Variants in POLDIP2 observed in about 807,000 individuals in gnomAD.
POLDIP2 encodes DNA polymerase delta interacting protein 2, also known as polymerase delta-interacting protein 2.
In POLDIP2, 32 loss-of-function variants were observed where a neutral mutation model predicts 52.9. The observed-to-expected ratio is 0.61, with a 90% CI of 0.46 to 0.81. POLDIP2 has a LOEUF of 0.81. Among genes scored for constraint, POLDIP2 ranks in the 40% least tolerant of loss-of-function variants. The probability of loss-of-function intolerance (pLI) is 0.00; values close to 1 mark genes in which losing one functional copy is unlikely to be tolerated. For missense variants in POLDIP2, 371 were observed against 477.3 expected, an observed-to-expected ratio of 0.78 and a Z score of 2.07; for synonymous variants, 183 against 183.0, an observed-to-expected ratio of 1.00 and a Z score of 0.00.
At chr17:28,348,263 GC>G in intron 10 of POLDIP2, 32 bp from the exon 11 acceptor site, 1 of 1,500,302 alleles carries the variant, frequency 6.7e-7, no homozygotes, top group Non-Finnish European at 9.3e-7. Flanking sequence ...TTTAGAAGGA[GC>G]CAGGGCTGAG....
rs1186624736 is a variant in POLDIP2 at position 28,354,550 on chromosome 17, G to A, written c.279C>T (p.Val93=). 9.0e-6 allele frequency: 14 copies of A among 1,562,304 alleles called. No homozygotes were observed. The highest frequency in any genetic ancestry group is 3.3e-4 in the Middle Eastern group (2 of 6,032). The change falls in exon 3 of 11, where the codon GTC becomes GTT. Residue 93 remains valine, a synonymous_variant. Coordinates refer to ENST00000540200, the MANE Select transcript of POLDIP2 (RefSeq NM_015584.5). ...GTCTGGCCTGCCAGGGAAACAGGAC[G>A]ACACCTCGGTAGCCAAAAATGCTAT... The part of the protein sequence containing the change: ...FLHSIFGYRG[V]VLFPWQARLY...
intron 2 of POLDIP2, 60 bp from the exon 3 acceptor site, chr17:28,354,645 C>G: frequency 8.6e-7 from 1 of 1,161,478 alleles, no homozygotes. Flanking sequence ...CAGGTGGGCC[C>G]CAGACCACAA....
chr17:28,350,775 G>T lies in POLDIP2; in HGVS notation c.777C>A (p.His259Gln). Residue 259 changes from histidine (H) to glutamine (Q), a missense_variant, in exon 8 of 11, where the codon CAC becomes CAA. His to Gln is a conservative substitution (Grantham distance 24). Transcript: ENST00000540200. ...YMGMREAQNS[H>Q]VYWWRYCIRL... ...AGACAGTGACACTCACCCAGTACACGTGGGAATTCTGGGCTTCCTAGGGAG... is the reference window on the plus strand; with the variant it reads ...AGACAGTGACACTCACCCAGTACACTTGGGAATTCTGGGCTTCCTAGGGAG... The T allele has an allele frequency of 6.3e-7, 1 of 1,595,166 alleles. No homozygotes were observed. The highest frequency in any genetic ancestry group is 8.5e-7 in the Non-Finnish European group (1 of 1,170,760).
At chr17:28,349,622 T>C (rs1555579581) in intron 9 of POLDIP2, among the ~76,000 whole-genome samples, 1 of 152,058 alleles carries the variant, frequency 6.6e-6, no homozygotes, top group Non-Finnish European at 1.5e-5. Context: ...AGCGAGACCC[T>C]GTCTCTAAAA....
intron 3 of POLDIP2, 72 bp from the exon 4 acceptor site, chr17:28,353,863 TC>T: frequency 1.0e-6 from 1 of 967,128 alleles, no homozygotes; most frequent in South Asian, 1.3e-5. Flanking sequence ...AGCTCCCTAC[TC>T]CTCCTCACCT....
At chr17:28,356,168 C>A (rs945976821) in intron 1 of POLDIP2, among the ~76,000 whole-genome samples, 5 of 151,872 alleles carry the variant, frequency 3.3e-5, no homozygotes, top group Admixed American at 6.6e-5. Context: ...CTTGTTTCTT[C>A]CCTAACCCAC....
In POLDIP2 at chr17:28,349,085, CAT is replaced by C; in HGVS notation, c.988_989del (p.Met330ValfsTer7). 6.2e-7 allele frequency: 1 copy of C among 1,609,446 alleles called. No homozygotes were observed. The highest frequency in any genetic ancestry group is 8.5e-7 in the Non-Finnish European group (1 of 1,176,156). On this transcript the variant is annotated frameshift_variant, in exon 10 of 11. Coordinates refer to ENST00000540200, the MANE Select transcript of POLDIP2 (RefSeq NM_015584.5). LOFTEE classifies it high-confidence loss of function. ...HVSLQASSGH[M>X]WGTFRFERPD... ...TACTGCTGTGCACACTCACTCACCA[CAT>C]GTGCCCACTGGAAGCCTGCAGCGAG...
At chr17:28,353,920 C>T in intron 3 of POLDIP2, 129 bp from the exon 4 acceptor site, 1 of 681,942 alleles carries the variant, frequency 1.5e-6, no homozygotes, top group Non-Finnish European at 2.7e-6. Context: ...ACCAGCTGGA[C>T]ACCTGCTCTG....
intron 1 of POLDIP2, 69 bp from the exon 2 acceptor site, chr17:28,355,945 A>G: frequency 8.1e-7 from 1 of 1,230,364 alleles, no homozygotes; most frequent in South Asian, 1.3e-5. Context: ...CATAAGAAAA[A>G]GCTCCTAGGA....
At chr17:28,352,887 A>G in intron 6 of POLDIP2, 25 bp downstream of exon 6, 1 of 1,458,244 alleles carries the variant, frequency 6.9e-7, no homozygotes, top group Non-Finnish European at 9.6e-7. Context: ...CTCCCATTCC[A>G]CCTCCCCTTC....
At chr17:28,356,692 G>GGCTGTTTTT (rs1261951195) in intron 1 of POLDIP2, among the ~76,000 whole-genome samples, 9 of 152,104 alleles carry the variant, frequency 5.9e-5, no homozygotes, top group South Asian at 2.1e-4. Context: ...TTCAAATAAA[G>GGCTGTTTTT]GCTGTTTTTA....
rs782461484 is a variant in POLDIP2 at position 28,357,486 on chromosome 17, C to A, written c.-38G>T. 3.7e-5 allele frequency: 53 copies of A among 1,433,654 alleles called. No individual in the cohort carries two copies. Among genetic ancestry groups the A allele is most frequent in the Non-Finnish European group, 4.8e-5 (53 of 1,105,236 alleles). 88.8% of individuals were successfully genotyped at this position (1,433,654 alleles called of 1,614,324 possible). On this transcript the variant is annotated 5_prime_UTR_variant, in exon 1 of 11. Transcript: ENST00000540200. ...CGCCCGCCCGGCTGCTGACACAGAG[C>A]CCGACCCGCGGCCGGGCGGCGTTCC...
At chr17:28,356,447 T>C (rs1448140257) in intron 1 of POLDIP2, among the ~76,000 whole-genome samples, 1 of 152,132 alleles carries the variant, frequency 6.6e-6, no homozygotes, top group Non-Finnish European at 1.5e-5. Flanking sequence ...TGTCCTGTAT[T>C]ATAATTCCAT....
intron 9 of POLDIP2, among the ~76,000 whole-genome samples, chr17:28,349,512 G>A (rs1907717569): frequency 2.0e-5 from 3 of 150,614 alleles, no homozygotes; most frequent in Admixed American, 1.3e-4. Flanking sequence ...ATAGTGGTGT[G>A]TGCCTGTAGT....
intron 5 of POLDIP2, 60 bp downstream of exon 5, chr17:28,353,181 T>A (rs1907875047): frequency 2.3e-6 from 2 of 860,720 alleles, no homozygotes; most frequent in Admixed American, 3.8e-5. Flanking sequence ...ATCAGAATCC[T>A]CTCCCTGAGA....
At chr17:28,351,234 A>G (rs939572577) in intron 7 of POLDIP2, among the ~76,000 whole-genome samples, 2 of 152,192 alleles carry the variant, frequency 1.3e-5, no homozygotes, top group East Asian at 3.8e-4. Context: ...TTTGTATCCA[A>G]GCATGCACTG....
intron 7 of POLDIP2, 56 bp from the exon 8 acceptor site, chr17:28,350,848 A>G: frequency 7.2e-7 from 1 of 1,386,256 alleles, no homozygotes; most frequent in Non-Finnish European, 1.0e-6. Flanking sequence ...AGTGTGTTCC[A>G]ATCAACATCT....
chr17:28,348,325 G>A (rs1907665838), intron 10 of POLDIP2, 94 bp from the exon 11 acceptor site: 2 of 752,160 alleles, frequency 2.7e-6, no homozygotes, highest in Admixed American at 2.2e-5. Flanking sequence ...AGCCACAGAG[G>A]ACATGTGAGC....
chr17:28,357,328 G>C lies in POLDIP2; in HGVS notation c.121C>G (p.Pro41Ala). ...CTCCGCGTCGTCGTGGTCGACGCTG[G>C]CGAGAAGGCTCCAGCTCCGGCCGCC... ...CAAAGAGAFS[P>A]ASTTTTRRHL... is the part of the protein sequence containing the mutation. Residue 41 changes from proline to alanine, a missense_variant, in exon 1 of 11, where the codon CCA (proline) becomes GCA (alanine). Physicochemically the swap from Pro to Ala is conservative, Grantham distance 27 (BLOSUM62 -1). Transcript: ENST00000540200. 1 of 1,579,528 alleles carries C rather than the reference G, an allele frequency of 6.3e-7. No homozygotes were observed. Among genetic ancestry groups the C allele is most frequent in the African/African-American group, 1.4e-5 (1 of 72,548 alleles).
Sources: gnomAD v4.1 joint callset for allele counts (sites outside exome capture counted in the v4.1 genomes callset) on GRCh38, gnomAD v4.1.1 for gene constraint, MANE v1.5 for transcripts, NCBI Gene and HGNC (gene_info 2026-07-23, HGNC 2026-07-21) for gene names.